Variants in HNRNPA0 observed in about 807,000 individuals in gnomAD.
HNRNPA0 encodes the protein heterogeneous nuclear ribonucleoprotein A0.
For synonymous variants in HNRNPA0, 243 were observed against 195.5 expected (o/e 1.24, Z -2.03); for missense variants, 252 against 433.7 (o/e 0.58, Z 3.72).
rs1753407893 is a variant in HNRNPA0, at chr5:137,746,287, T to C, written c.*6862A>G. The C allele has an allele frequency of 6.6e-6, 1 of 152,204 alleles. No individual in the cohort carries two copies. Among genetic ancestry groups the C allele is most frequent in the Non-Finnish European group, 1.5e-5 (1 of 68,028 alleles). 9.4% of individuals were successfully genotyped at this position (152,204 alleles called of 1,614,324 possible). A position where few individuals can be genotyped will look rare whatever the true frequency, so the allele number is the denominator to read the frequency against. On this transcript the variant is annotated 3_prime_UTR_variant, in exon 1 of 1. Coordinates refer to ENST00000314940, the MANE Select transcript of HNRNPA0 (RefSeq NM_006805.4). ...TTTTGGGAAACACATCTTTTAAAAT[T>C]CAAATCAGATCATGGAACTCCTCTG...
Position 137,750,842 on chromosome 5 carries a change from C to A in HNRNPA0, c.*2307G>T, listed in dbSNP as rs1753484314. 6.6e-6 allele frequency: 1 copy of A among 152,136 alleles called. No individual in the cohort carries two copies. The highest frequency in any genetic ancestry group is 1.5e-5 in the Non-Finnish European group (1 of 67,998). The allele number at this position is 152,136 out of a possible 1,614,324, so 9.4% of individuals were successfully genotyped here. ...TGCAAACTTTAGAAGCCACTATATT[C>A]CCATGTTGGGAATAATATGACAACC... On this transcript the variant is annotated 3_prime_UTR_variant, in exon 1 of 1. Coordinates refer to ENST00000314940, the MANE Select transcript of HNRNPA0 (RefSeq NM_006805.4).
In HNRNPA0 at chr5:137,753,032, C is replaced by T. The variant is rs916030912; in HGVS notation, c.*117G>A. The T allele has an allele frequency of 8.4e-7, 1 of 1,191,474 alleles. No individual in the cohort carries two copies. The highest frequency in any genetic ancestry group is 1.2e-6 in the Non-Finnish European group (1 of 855,664). 73.8% of individuals were successfully genotyped at this position (1,191,474 alleles called of 1,614,324 possible). On this transcript the variant is annotated 3_prime_UTR_variant, in exon 1 of 1. Coordinates refer to ENST00000314940, the MANE Select transcript of HNRNPA0 (RefSeq NM_006805.4). This position sits in a 1 kb window ranked among gnomAD's most constrained non-coding sequence, Gnocchi z 6.1. Reference sequence around the variant, plus strand: ...TAAGCAGCCTTAGAAGTGGCTCCCCCAAGGGCAAAACAGGGAAGGCGGTGT... The same window carrying T: ...TAAGCAGCCTTAGAAGTGGCTCCCCTAAGGGCAAAACAGGGAAGGCGGTGT...
rs1753559781 is a variant in HNRNPA0, at chr5:137,754,170, C to G, written c.-104G>C. 2 of 1,399,346 alleles carry G rather than the reference C, an allele frequency of 1.4e-6. No homozygotes were observed. The highest frequency in any genetic ancestry group is 1.5e-5 in the African/African-American group (1 of 68,800). 86.7% of individuals were successfully genotyped at this position (1,399,346 alleles called of 1,614,324 possible). Reference sequence around the variant, plus strand: ...CTACACAGCTTGGGCCCAGCCGTTGCTGGAGCCACCCCCGCCGCTCACCGA... The same window carrying G: ...CTACACAGCTTGGGCCCAGCCGTTGGTGGAGCCACCCCCGCCGCTCACCGA... On this transcript the variant is annotated 5_prime_UTR_variant, in exon 1 of 1. Coordinates refer to ENST00000314940, the MANE Select transcript of HNRNPA0 (RefSeq NM_006805.4).
rs1241033841 is a variant in HNRNPA0 at position 137,749,787 on chromosome 5, A to T, written c.*3362T>A. ...GACGCGGGCAGACAAAATTTAACCT[A>T]AAATGCAAACTCTCAAAACTTAAGC... is the stretch of plus-strand genomic sequence containing the variant. On this transcript the variant is annotated 3_prime_UTR_variant, in exon 1 of 1. Transcript: ENST00000314940. 6.6e-6 allele frequency: 1 copy of T among 152,196 alleles called. No individual in the cohort carries two copies. Among genetic ancestry groups the T allele is most frequent in the Non-Finnish European group, 1.5e-5 (1 of 68,004 alleles). The allele number at this position is 152,196 out of a possible 1,614,324, so 9.4% of individuals were successfully genotyped here. A position where few individuals can be genotyped will look rare whatever the true frequency, so the allele number is the denominator to read the frequency against.
At position 137,747,555 on chromosome 5, in the gene HNRNPA0, G is replaced by A. The variant is rs771045323; in HGVS notation, c.*5594C>T. Reference sequence around the variant, plus strand: ...TCATTCTTCATATATCCAAATATTTGTCAATTATGCTTTCACAACTTACCT... The same window carrying A: ...TCATTCTTCATATATCCAAATATTTATCAATTATGCTTTCACAACTTACCT... On this transcript the variant is annotated 3_prime_UTR_variant, in exon 1 of 1. Coordinates refer to ENST00000314940, the MANE Select transcript of HNRNPA0 (RefSeq NM_006805.4). 3.9e-5 allele frequency: 6 copies of A among 151,940 alleles called. No individual in the cohort carries two copies. The highest frequency in any genetic ancestry group is 7.4e-5 in the Non-Finnish European group (5 of 67,968). 9.4% of individuals were successfully genotyped at this position (151,940 alleles called of 1,614,324 possible).
Position 137,753,229 on chromosome 5 carries a change from T to C in HNRNPA0, c.838A>G (p.Ser280Gly). 6.2e-7 allele frequency: 1 copy of C among 1,612,810 alleles called. No individual in the cohort carries two copies. The highest frequency in any genetic ancestry group is 8.5e-7 in the Non-Finnish European group (1 of 1,179,800). Residue 280 changes from serine to glycine, a missense_variant, in exon 1 of 1, where the codon AGC becomes GGC. Coordinates refer to ENST00000314940, the MANE Select transcript of HNRNPA0 (RefSeq NM_006805.4). This position sits in a 1 kb window ranked among gnomAD's most constrained non-coding sequence, Gnocchi z 6.1. ...SGGGGGGGGS[S>G]WGGRSNSGPY... ...CCACTATTACTGCGACCGCCCCAGCTACTGCCTCCACCGCCGCCGCCGCCG... is the reference window on the plus strand; with the variant it reads ...CCACTATTACTGCGACCGCCCCAGCCACTGCCTCCACCGCCGCCGCCGCCG...
In HNRNPA0 at chr5:137,752,715, G is replaced by A. The variant is rs1402422172; in HGVS notation, c.*434C>T. 1 of 166,406 alleles carries A rather than the reference G, an allele frequency of 6.0e-6. No homozygotes were observed. Among genetic ancestry groups the A allele is most frequent in the Non-Finnish European group, 1.3e-5 (1 of 77,790 alleles). 10.3% of individuals were successfully genotyped at this position (166,406 alleles called of 1,614,324 possible). A position where few individuals can be genotyped will look rare whatever the true frequency, so the allele number is the denominator to read the frequency against. Reference sequence around the variant, plus strand: ...GCATGGGATCCAAGTAGATTTCATAGAAAACGCTGTAGCCAGGTTATCAAG... The same window carrying A: ...GCATGGGATCCAAGTAGATTTCATAAAAAACGCTGTAGCCAGGTTATCAAG... On this transcript the variant is annotated 3_prime_UTR_variant, in exon 1 of 1. Transcript: ENST00000314940.
At position 137,750,117 on chromosome 5, in the gene HNRNPA0, C is replaced by G. The variant is rs1423775909; in HGVS notation, c.*3032G>C. On this transcript the variant is annotated 3_prime_UTR_variant, in exon 1 of 1. Transcript: ENST00000314940. ...AGCTTTTTAAATGACCTGAAAAACA[C>G]TACAGATATTCCAATCAAAAAATCT... 6.6e-6 allele frequency: 1 copy of G among 152,018 alleles called. No homozygotes were observed. The highest frequency in any genetic ancestry group is 1.5e-5 in the Non-Finnish European group (1 of 68,006). The allele number at this position is 152,018 out of a possible 1,614,324, so 9.4% of individuals were successfully genotyped here. A position where few individuals can be genotyped will look rare whatever the true frequency, so the allele number is the denominator to read the frequency against.
chr5:137,753,556 T>C lies in HNRNPA0; in HGVS notation c.511A>G (p.Lys171Glu). Reference sequence around the variant, plus strand: ...ATATCCTCCTTGGGGACTGCTTTCTTCACCTCCACGCGATGGCCCTGAATC... The same window carrying C: ...ATATCCTCCTTGGGGACTGCTTTCTCCACCTCCACGCGATGGCCCTGAATC... Reference protein sequence around the residue: ...HPIQGHRVEVKKAVPKEDIYS... With the variant: ...HPIQGHRVEVEKAVPKEDIYS... Residue 171 changes from lysine to glutamate, a missense_variant, in exon 1 of 1, where the codon AAG becomes GAG. Coordinates refer to ENST00000314940, the MANE Select transcript of HNRNPA0 (RefSeq NM_006805.4). The surrounding 1 kb of genome is among the most constrained non-coding windows in gnomAD (Gnocchi z 6.1). 1 of 1,613,188 alleles carries C rather than the reference T, an allele frequency of 6.2e-7. No individual in the cohort carries two copies. Among genetic ancestry groups the C allele is most frequent in the Non-Finnish European group, 8.5e-7 (1 of 1,179,342 alleles).
rs1753477574 is a variant in HNRNPA0, at chr5:137,750,451, G to C, written c.*2698C>G. 1 of 152,108 alleles carries C rather than the reference G, an allele frequency of 6.6e-6. No individual in the cohort carries two copies. The highest frequency in any genetic ancestry group is 2.4e-5 in the African/African-American group (1 of 41,412). 9.4% of individuals were successfully genotyped at this position (152,108 alleles called of 1,614,324 possible). A position where few individuals can be genotyped will look rare whatever the true frequency, so the allele number is the denominator to read the frequency against. ...CTTCACATTAAGATGAAAAATAGGA[G>C]GTTCACTTTTATTTTGCTAATCCGT... On this transcript the variant is annotated 3_prime_UTR_variant, in exon 1 of 1. Coordinates refer to ENST00000314940, the MANE Select transcript of HNRNPA0 (RefSeq NM_006805.4).
Position 137,748,310 on chromosome 5 carries a change from TAACA to T in HNRNPA0, c.*4835_*4838del, listed in dbSNP as rs1373146114. The T allele has an allele frequency of 6.6e-6, 1 of 152,148 alleles. No homozygotes were observed. Among genetic ancestry groups the T allele is most frequent in the Non-Finnish European group, 1.5e-5 (1 of 67,996 alleles). 9.4% of individuals were successfully genotyped at this position (152,148 alleles called of 1,614,324 possible). On this transcript the variant is annotated 3_prime_UTR_variant, in exon 1 of 1. Coordinates refer to ENST00000314940, the MANE Select transcript of HNRNPA0 (RefSeq NM_006805.4). ...CACATTATTTATACCTTCCTAATAT[TAACA>T]AATACTTAAAACATTACAGATGGCT...
Position 137,745,656 on chromosome 5 carries a change from T to C in HNRNPA0, c.*7493A>G, listed in dbSNP as rs984601921. 7 of 152,192 alleles carry C rather than the reference T, an allele frequency of 4.6e-5. No individual in the cohort carries two copies. The highest frequency in any genetic ancestry group is 4.6e-4 in the Admixed American group (7 of 15,288). The allele number at this position is 152,192 out of a possible 1,614,324, so 9.4% of individuals were successfully genotyped here. On this transcript the variant is annotated 3_prime_UTR_variant, in exon 1 of 1. Coordinates refer to ENST00000314940, the MANE Select transcript of HNRNPA0 (RefSeq NM_006805.4). Reference sequence around the variant, plus strand: ...CAAAACTCAGCACTGCTAAGTATCGTACTCATGGCTAAAGTTTATTACAGT... The same window carrying C: ...CAAAACTCAGCACTGCTAAGTATCGCACTCATGGCTAAAGTTTATTACAGT...
At position 137,754,243 on chromosome 5, in the gene HNRNPA0, G is replaced by T; in HGVS notation, c.-177C>A. The T allele has an allele frequency of 1.2e-6, 1 of 816,372 alleles. No individual in the cohort carries two copies. Among genetic ancestry groups the T allele is most frequent in the Non-Finnish European group, 1.9e-6 (1 of 528,562 alleles). 50.6% of individuals were successfully genotyped at this position (816,372 alleles called of 1,614,324 possible). A position where few individuals can be genotyped will look rare whatever the true frequency, so the allele number is the denominator to read the frequency against. On this transcript the variant is annotated 5_prime_UTR_variant, in exon 1 of 1. Coordinates refer to ENST00000314940, the MANE Select transcript of HNRNPA0 (RefSeq NM_006805.4). ...GGAGGGAAGGAAGGAAGAGAGGAAG[G>T]GGGAGGGAAGGGGAGCGGTGCCGGC...
chr5:137,748,847 GAA>G lies in HNRNPA0; in HGVS notation c.*4300_*4301del, dbSNP rs1310569574. 1 of 152,158 alleles carries G rather than the reference GAA, an allele frequency of 6.6e-6. No homozygotes were observed. Among genetic ancestry groups the G allele is most frequent in the African/African-American group, 2.4e-5 (1 of 41,434 alleles). The allele number at this position is 152,158 out of a possible 1,614,324, so 9.4% of individuals were successfully genotyped here. Reference sequence around the variant, plus strand: ...TTTCTAAAAAGTAATCAATTAAGGAGAAAAGAGTCTTAATTTTCATCAGAGAA... The same window carrying G: ...TTTCTAAAAAGTAATCAATTAAGGAGAAGAGTCTTAATTTTCATCAGAGAA... On this transcript the variant is annotated 3_prime_UTR_variant, in exon 1 of 1. Transcript: ENST00000314940.
rs769415172 is a variant in HNRNPA0, at chr5:137,753,374, G to A, written c.693C>T (p.Tyr231=). The change falls in exon 1 of 1, where the codon TAC becomes TAT. Residue 231 remains tyrosine (Y), a synonymous_variant. Transcript: ENST00000314940. The surrounding 1 kb of genome is among the most constrained non-coding windows in gnomAD (Gnocchi z 6.1). ...GGYGGGGGGG[Y]NAYGGGGGGS... is the part of the protein sequence containing the mutation. ...CGCCGCCGCCGCCTCCGTAGGCATT[G>A]TAGCCGCCGCCTCCGCCGCCGCCGT... 2 of 1,547,744 alleles carry A rather than the reference G, an allele frequency of 1.3e-6. No homozygotes were observed. Among genetic ancestry groups the A allele is most frequent in the Non-Finnish European group, 1.7e-6 (2 of 1,146,056 alleles).
chr5:137,751,471 A>G lies in HNRNPA0; in HGVS notation c.*1678T>C, dbSNP rs1753496975. The G allele has an allele frequency of 6.7e-6, 1 of 149,522 alleles. No homozygotes were observed. The highest frequency in any genetic ancestry group is 1.5e-5 in the Non-Finnish European group (1 of 67,536). The allele number at this position is 149,522 out of a possible 1,614,324, so 9.3% of individuals were successfully genotyped here. On this transcript the variant is annotated 3_prime_UTR_variant, in exon 1 of 1. Transcript: ENST00000314940. ...TTTGAGCCTTCAACGTCAACATGTA[A>G]GTCAAATATTTAAGTTAAATATTAA...
Position 137,753,959 on chromosome 5 carries a change from G to A in HNRNPA0, c.108C>T (p.Cys36=). The change falls in exon 1 of 1, where the codon TGC becomes TGT. Residue 36 remains cysteine, a synonymous_variant. Transcript: ENST00000314940. The surrounding 1 kb of genome is among the most constrained non-coding windows in gnomAD (Gnocchi z 6.1). The stretch of plus-strand genomic sequence containing the variant: ...TGGTCTGGGGATTCACCACCACCAC[G>A]CAGTCCGTCAGAGTCCCAAAGGCCT... ...HFEAFGTLTD[C]VVVVNPQTKR... 2 of 1,614,140 alleles carry A rather than the reference G, an allele frequency of 1.2e-6. No individual in the cohort carries two copies. The highest frequency in any genetic ancestry group is 1.7e-6 in the Non-Finnish European group (2 of 1,180,036).
Position 137,752,974 on chromosome 5 carries a change from G to C in HNRNPA0, c.*175C>G. ...CATCTTCAGAGGGAGAGACAAGAGA[G>C]GTGGCAGGCAAATAGAGGAACACCC... On this transcript the variant is annotated 3_prime_UTR_variant, in exon 1 of 1. Coordinates refer to ENST00000314940, the MANE Select transcript of HNRNPA0 (RefSeq NM_006805.4). 1 of 594,604 alleles carries C rather than the reference G, an allele frequency of 1.7e-6. No individual in the cohort carries two copies. The highest frequency in any genetic ancestry group is 2.9e-6 in the Non-Finnish European group (1 of 347,390). 36.8% of individuals were successfully genotyped at this position (594,604 alleles called of 1,614,324 possible). A position where few individuals can be genotyped will look rare whatever the true frequency, so the allele number is the denominator to read the frequency against.
chr5:137,750,678 T>C lies in HNRNPA0; in HGVS notation c.*2471A>G, dbSNP rs1371474523. On this transcript the variant is annotated 3_prime_UTR_variant, in exon 1 of 1. Transcript: ENST00000314940. Reference sequence around the variant, plus strand: ...TAAACTGACAAGAGGAACCCAGAAGTGACTAAATACCACTATGCTTTTTTC... The same window carrying C: ...TAAACTGACAAGAGGAACCCAGAAGCGACTAAATACCACTATGCTTTTTTC... 6.6e-6 allele frequency: 1 copy of C among 152,122 alleles called. No individual in the cohort carries two copies. Among genetic ancestry groups the C allele is most frequent in the Non-Finnish European group, 1.5e-5 (1 of 68,010 alleles). The allele number at this position is 152,122 out of a possible 1,614,324, so 9.4% of individuals were successfully genotyped here.
Sources: gnomAD v4.1 joint callset for allele counts on GRCh38, gnomAD v4.1.1 for gene constraint, Gnocchi (gnomAD v3.1) non-coding constraint, MANE v1.5 for transcripts, NCBI Gene and HGNC (gene_info 2026-07-23, HGNC 2026-07-21) for gene names.